ZNF121: variants seen among roughly 807,000 people sequenced by gnomAD.
The protein encoded by ZNF121 is zinc finger protein 121 (clone ZHC32).
ZNF121 carries 1 observed loss-of-function variant against 2.4 expected under a neutral mutation model. The observed-to-expected ratio is 0.41, with a 90% CI of 0.15 to 1.94. The LOEUF (loss-of-function observed/expected upper bound fraction) is 1.94, where lower values mean the gene tolerates loss of function less well. Ranked by LOEUF, ZNF121 falls within the 30% of genes most tolerant of loss-of-function variation. The pLI, the probability that ZNF121 is intolerant of heterozygous loss-of-function variation, is 0.30. For synonymous variants in ZNF121, 173 were observed against 158.6 expected (o/e 1.09, Z -0.68); for missense variants, 369 against 466.3 (o/e 0.79, Z 1.92).
At chr19:9,583,535 C>G (rs1424538626) in intron 1 of ZNF121, among the ~76,000 whole-genome samples, 1 of 134,100 alleles carries the variant, frequency 7.5e-6, no homozygotes, top group South Asian at 2.5e-4. Context: ...ACGGAGTCTC[C>G]CTCTTTTGCC....
At chr19:9,571,839 T>C (rs2074176392) in intron 1 of ZNF121, among the ~76,000 whole-genome samples, 1 of 152,068 alleles carries the variant, frequency 6.6e-6, no homozygotes, top group African/African-American at 2.4e-5. Context: ...ACTTCAAACT[T>C]CAAACTCCCG....
chr19:9,571,345 C>CA (rs1384274068), intron 1 of ZNF121, among the ~76,000 whole-genome samples: 1 of 152,114 alleles, frequency 6.6e-6, no homozygotes, highest in African/African-American at 2.4e-5. Flanking sequence ...CTATAGTAGC[C>CA]AAAAACTGGA....
intron 1 of ZNF121, among the ~76,000 whole-genome samples, chr19:9,573,924 G>A (rs2074191579): frequency 1.3e-5 from 2 of 151,952 alleles, no homozygotes; most frequent in South Asian, 2.1e-4. Flanking sequence ...ATGGCTCAAT[G>A]CAGCCTTTAT....
Position 9,562,324 on chromosome 19 carries a change from C to T in ZNF121, c.*3616G>A. ...GGACTATAGGTGCCTGCCACCATGC[C>T]CGGCTAATTTTTTGTATTTTTAGTA... On this transcript the variant is annotated 3_prime_UTR_variant, in exon 4 of 4. Coordinates refer to ENST00000320451, the MANE Select transcript of ZNF121 (RefSeq NM_001008727.5). 5.9e-6 allele frequency: 1 copy of T among 170,834 alleles called. No homozygotes were observed. Among genetic ancestry groups the T allele is most frequent in the Non-Finnish European group, 1.3e-5 (1 of 75,660 alleles). 10.6% of individuals were successfully genotyped at this position (170,834 alleles called of 1,614,324 possible). A position where few individuals can be genotyped will look rare whatever the true frequency, so the allele number is the denominator to read the frequency against.
chr19:9,581,047 T>C (rs1401598921), intron 1 of ZNF121, among the ~76,000 whole-genome samples: 2 of 152,094 alleles, frequency 1.3e-5, no homozygotes, highest in Non-Finnish European at 2.9e-5. Context: ...AACCCCGAGT[T>C]TGTAGGAAAT....
At chr19:9,571,156 T>C (rs530597544) in intron 1 of ZNF121, among the ~76,000 whole-genome samples, 2 of 152,340 alleles carry the variant, frequency 1.3e-5, no homozygotes, top group South Asian at 4.1e-4. Context: ...CTGTTGCAGC[T>C]ACTCAACTCT....
Position 9,566,334 on chromosome 19 carries a change from A to G in ZNF121, c.779T>C (p.Val260Ala). Residue 260 changes from valine to alanine, a missense_variant, in exon 4 of 4, where the codon GTA (valine) becomes GCA (alanine). By Grantham distance (64) the Val-to-Ala change is moderately conservative (BLOSUM62 0). This residue lies in a region of ZNF121 where 127 missense variants were observed against 169.9 expected (regional missense o/e 0.75). Transcript: ENST00000320451. ...HTEEKPFECK[V>A]CGKSFRSSSC... ...AGAGCTTCTGAAGGATTTTCCACAT[A>G]CCTTACATTCAAAGGGCTTCTCCTC... is the stretch of plus-strand genomic sequence containing the variant. 6.2e-7 allele frequency: 1 copy of G among 1,613,580 alleles called. No homozygotes were observed. Among genetic ancestry groups the G allele is most frequent in the Non-Finnish European group, 8.5e-7 (1 of 1,179,892 alleles).
intron 1 of ZNF121, among the ~76,000 whole-genome samples, chr19:9,569,445 T>C (rs1319544076): frequency 2.6e-5 from 4 of 151,948 alleles, no homozygotes; most frequent in African/African-American, 9.7e-5. Flanking sequence ...AGACCCTGTC[T>C]TAAAAAAAAT....
At chr19:9,581,103 A>G (rs2074245571) in intron 1 of ZNF121, among the ~76,000 whole-genome samples, 1 of 152,098 alleles carries the variant, frequency 6.6e-6, no homozygotes, top group Non-Finnish European at 1.5e-5. Flanking sequence ...GAATCCAATC[A>G]GAAATATCTG....
At chr19:9,577,537 C>A (rs2074219547) in intron 1 of ZNF121, among the ~76,000 whole-genome samples, 1 of 151,592 alleles carries the variant, frequency 6.6e-6, no homozygotes, top group Admixed American at 6.6e-5. Flanking sequence ...ACTGATGAAA[C>A]AAACTGTAGA....
At position 9,562,560 on chromosome 19, in the gene ZNF121, T is replaced by C. The variant is rs1286539574; in HGVS notation, c.*3380A>G. On this transcript the variant is annotated 3_prime_UTR_variant, in exon 4 of 4. Coordinates refer to ENST00000320451, the MANE Select transcript of ZNF121 (RefSeq NM_001008727.5). ...AACTTAACAAATGCTATGTTCTCAC[T>C]GCTCCACCAACTGGCCACTCTCCCC... The C allele has an allele frequency of 6.4e-6, 1 of 155,218 alleles. No individual in the cohort carries two copies. Among genetic ancestry groups the C allele is most frequent in the African/African-American group, 2.4e-5 (1 of 41,196 alleles). 9.6% of individuals were successfully genotyped at this position (155,218 alleles called of 1,614,324 possible). A position where few individuals can be genotyped will look rare whatever the true frequency, so the allele number is the denominator to read the frequency against.
intron 1 of ZNF121, among the ~76,000 whole-genome samples, chr19:9,576,185 C>T (rs12462013): frequency 0.053 from 7,987 of 152,108 alleles, 382 homozygotes; most frequent in African/African-American, 0.11. Flanking sequence ...AACTAGAAAT[C>T]ACTAACAAGA....
chr19:9,560,627 G>A lies in ZNF121; in HGVS notation c.*5313C>T, dbSNP rs1016014195. 10 of 152,162 alleles carry A rather than the reference G, an allele frequency of 6.6e-5. No homozygotes were observed. Among genetic ancestry groups the A allele is most frequent in the Non-Finnish European group, 1.3e-4 (9 of 68,026 alleles). 9.4% of individuals were successfully genotyped at this position (152,162 alleles called of 1,614,324 possible). On this transcript the variant is annotated 3_prime_UTR_variant, in exon 4 of 4. Coordinates refer to ENST00000320451, the MANE Select transcript of ZNF121 (RefSeq NM_001008727.5). Reference sequence around the variant, plus strand: ...ACTGGTTTATTTCACTTAGCATAACGTCCATGTTGTAGCATATGGCAGAAT... The same window carrying A: ...ACTGGTTTATTTCACTTAGCATAACATCCATGTTGTAGCATATGGCAGAAT...
rs975463795 is a variant in ZNF121 at position 9,564,623 on chromosome 19, G to C, written c.*1317C>G. The C allele has an allele frequency of 2.0e-5, 3 of 152,260 alleles. No homozygotes were observed. The highest frequency in any genetic ancestry group is 1.9e-4 in the East Asian group (1 of 5,186). 9.4% of individuals were successfully genotyped at this position (152,260 alleles called of 1,614,324 possible). On this transcript the variant is annotated 3_prime_UTR_variant, in exon 4 of 4. Coordinates refer to ENST00000320451, the MANE Select transcript of ZNF121 (RefSeq NM_001008727.5). The stretch of plus-strand genomic sequence containing the variant: ...TGCTTTGTATAGATAAGCAAAGAAA[G>C]TGGTTTCCTGAAATGAAATCTACTC...
intron 1 of ZNF121, among the ~76,000 whole-genome samples, chr19:9,582,427 C>T (rs1035538999): frequency 2.6e-5 from 4 of 152,126 alleles, no homozygotes; most frequent in Non-Finnish European, 5.9e-5. Context: ...AGGAGCTCCC[C>T]ACTGAGCACC....
chr19:9,569,177 G>C (rs1321373511), intron 1 of ZNF121, 95 bp from the exon 2 acceptor site: 1 of 152,266 alleles, frequency 6.6e-6, no homozygotes, highest in Non-Finnish European at 1.5e-5. Context: ...AAAGAGAGTA[G>C]TGAAACTATT....
At position 9,568,114 on chromosome 19, in the gene ZNF121, G is replaced by T. The variant is rs1236034841; in HGVS notation, c.-17C>A. 1 of 1,537,110 alleles carries T rather than the reference G, an allele frequency of 6.5e-7. No homozygotes were observed. Among genetic ancestry groups the T allele is most frequent in the South Asian group, 1.2e-5 (1 of 80,236 alleles). ...TCTTACCATTTGTATGCCGTTTGATGTTTTGTTAAGCCAAAAAAAAATGTT... is the reference window on the plus strand; with the variant it reads ...TCTTACCATTTGTATGCCGTTTGATTTTTTGTTAAGCCAAAAAAAAATGTT... On this transcript the variant is annotated 5_prime_UTR_variant, in exon 3 of 4. Coordinates refer to ENST00000320451, the MANE Select transcript of ZNF121 (RefSeq NM_001008727.5).
intron 1 of ZNF121, among the ~76,000 whole-genome samples, chr19:9,574,185 G>A (rs994781666): frequency 1.1e-4 from 16 of 151,588 alleles, no homozygotes; most frequent in African/African-American, 2.9e-4. Flanking sequence ...TCATTCTGTC[G>A]CCCAGGCTGC....
At chr19:9,567,650 T>C (rs977476267) in intron 3 of ZNF121, 10 of 346,338 alleles carry the variant, frequency 2.9e-5, no homozygotes, top group Admixed American at 1.9e-4. Context: ...CAACTCACCA[T>C]AAAATAGGAT....
Sources: gnomAD v4.1 joint callset for allele counts (sites outside exome capture counted in the v4.1 genomes callset) on GRCh38, gnomAD v4.1.1 for gene constraint, gnomAD v4.1.1 regional missense constraint, MANE v1.5 for transcripts, NCBI Gene and HGNC (gene_info 2026-07-23, HGNC 2026-07-21) for gene names.